The following EPG5 variants were observed in gnomAD, a reference collection of about 807,000 sequenced individuals.
The protein encoded by EPG5 is ectopic P-granules 5 autophagy tethering factor.
Under a neutral mutation model 302.7 loss-of-function variants are expected in EPG5, and 159 were observed. The observed-to-expected ratio is 0.53, with a 90% confidence interval of 0.46 to 0.60. EPG5 has a LOEUF of 0.60. Among genes scored for constraint, EPG5 ranks in the 20% least tolerant of loss-of-function variants. EPG5 has a pLI of 0.00. For missense variants in EPG5, 2,896 were observed against 3,092.4 expected (o/e 0.94, Z 1.51); for synonymous variants, 1,158 against 1,136.8 (o/e 1.02, Z -0.37).
chr18:45,961,812 C>T (rs537106846), intron 1 of EPG5, among the ~76,000 whole-genome samples: 6 of 150,392 alleles, frequency 4.0e-5, no homozygotes, highest in African/African-American at 1.5e-4. Flanking sequence ...CAGCCAAGAT[C>T]GCGCCACTGC....
intron 12 of EPG5, among the ~76,000 whole-genome samples, chr18:45,930,155 T>C (rs1292540005): frequency 6.6e-6 from 1 of 152,200 alleles, no homozygotes; most frequent in East Asian, 1.9e-4. Flanking sequence ...AGATGAAGAA[T>C]GCAAGGATCT....
the EPG5 span, among the ~76,000 whole-genome samples, chr18:45,826,503 AC>A: frequency 6.6e-6 from 1 of 152,088 alleles, no homozygotes; most frequent in African/African-American, 2.4e-5. Context: ...CTGCATTTTC[AC>A]CACCTTCTTG....
chr18:45,954,919 A>C lies in EPG5; in HGVS notation c.483T>G (p.Ser161=). 1 of 1,613,658 alleles carries C rather than the reference A, an allele frequency of 6.2e-7. No individual in the cohort carries two copies. ...LSESAPQSNF[S]YTQPAMENIQ... The stretch of plus-strand genomic sequence containing the variant: ...TATTTTCCATTGCTGGCTGAGTATA[A>C]GAAAAATTAGATTGGGGTGCACTTT... Residue 161 remains serine (S), a synonymous_variant, in exon 2 of 44, where the codon TCT becomes TCG. Coordinates refer to ENST00000282041, the MANE Select transcript of EPG5 (RefSeq NM_020964.3).
chr18:45,866,252 T>C (rs1046213505), intron 38 of EPG5, among the ~76,000 whole-genome samples: 1 of 151,938 alleles, frequency 6.6e-6, no homozygotes, highest in African/African-American at 2.4e-5. Flanking sequence ...CCCGAGTAGC[T>C]GGGAATACAG....
Position 45,943,250 on chromosome 18 carries a change from G to T in EPG5, c.1854C>A (p.Asn618Lys), listed in dbSNP as rs978507882. Residue 618 changes from asparagine (N) to lysine (K), a missense_variant, in exon 9 of 44, where the codon AAC becomes AAA. Physicochemically the swap from Asn to Lys is moderately conservative, Grantham distance 94 (BLOSUM62 0). Around this residue, in one of 5 missense-constraint regions of EPG5, gnomAD observed 1,390 missense variants for 1,430.0 expected, o/e 0.97. Transcript: ENST00000282041. ...QEMMKIFAFANSLVELLAVGL... is the reference protein window; with the variant it reads ...QEMMKIFAFAKSLVELLAVGL... ...CCACAGCCAGAAGTTCCACTAGTGAGTTGGCAAAGGCAAAAATTTTCATCA... is the reference window on the plus strand; with the variant it reads ...CCACAGCCAGAAGTTCCACTAGTGATTTGGCAAAGGCAAAAATTTTCATCA... 1.7e-5 allele frequency: 28 copies of T among 1,613,978 alleles called. No individual in the cohort carries two copies. The highest frequency in any genetic ancestry group is 2.3e-5 in the Non-Finnish European group (27 of 1,179,996).
At chr18:45,963,408 G>C (rs2051188381) in intron 1 of EPG5, among the ~76,000 whole-genome samples, 1 of 152,204 alleles carries the variant, frequency 6.6e-6, no homozygotes, top group Admixed American at 6.5e-5. Flanking sequence ...AGGCCGAGAT[G>C]GGTGGATCAT....
At chr18:45,844,811 A>G (rs2048351690), downstream of EPG5, among the ~76,000 whole-genome samples, 1 of 152,190 alleles carries the variant, frequency 6.6e-6, no homozygotes, top group Non-Finnish European at 1.5e-5. Flanking sequence ...CCTCTATGGA[A>G]AGTCCTGCAT....
intron 24 of EPG5, among the ~76,000 whole-genome samples, chr18:45,905,540 G>A (rs1347019368): frequency 6.6e-6 from 1 of 152,148 alleles, no homozygotes; most frequent in Non-Finnish European, 1.5e-5. Flanking sequence ...CCTTTAAATA[G>A]GGTCACTCTG....
At chr18:45,801,688 C>T in the EPG5 span, among the ~76,000 whole-genome samples, 1 of 152,198 alleles carries the variant, frequency 6.6e-6, no homozygotes, top group Non-Finnish European at 1.5e-5. Context: ...CCCCCTGTTC[C>T]TTCCCTTCTC....
chr18:45,963,772 G>GAAA (rs2051195688), intron 1 of EPG5, among the ~76,000 whole-genome samples: 1 of 152,332 alleles, frequency 6.6e-6, no homozygotes, highest in South Asian at 2.1e-4. Context: ...GGAAACCTTT[G>GAAA]AAAGGTTTTG....
chr18:45,954,399 C>T lies in EPG5; in HGVS notation c.1003G>A (p.Val335Ile), dbSNP rs1298011903. ...LWQFKEEQMSVQGICADQVKV... is the reference protein window; with the variant it reads ...LWQFKEEQMSIQGICADQVKV... The stretch of plus-strand genomic sequence containing the variant: ...CAGGCTTCTGATCAAAATACCTGTA[C>T]AGACATTTGTTCCTCCTTAAACTGC... Residue 335 changes from valine (V) to isoleucine (I), a missense_variant, in exon 2 of 44, where the codon GTA (valine) becomes ATA (isoleucine). Physicochemically the swap from Val to Ile is conservative, Grantham distance 29 (BLOSUM62 3). Around this residue, in one of 5 missense-constraint regions of EPG5, gnomAD observed 1,390 missense variants for 1,430.0 expected, o/e 0.97. Transcript: ENST00000282041. 3 of 1,602,270 alleles carry T rather than the reference C, an allele frequency of 1.9e-6. No homozygotes were observed. Among genetic ancestry groups the T allele is most frequent in the South Asian group, 2.3e-5 (2 of 88,806 alleles).
At chr18:45,832,023 C>T in the EPG5 span, among the ~76,000 whole-genome samples, 844 of 152,348 alleles carry the variant, frequency 5.5e-3, 10 homozygotes, top group African/African-American at 0.019. Context: ...TGAGCCGCCA[C>T]GCCCGGCCCA....
the EPG5 span, among the ~76,000 whole-genome samples, chr18:45,812,437 C>CA: frequency 6.6e-6 from 1 of 151,884 alleles, no homozygotes; most frequent in Admixed American, 6.6e-5. Flanking sequence ...CATATGGAAC[C>CA]AAAAAAAGGG....
chr18:45,800,840 C>T, the EPG5 span, among the ~76,000 whole-genome samples: 1 of 152,176 alleles, frequency 6.6e-6, no homozygotes, highest in African/African-American at 2.4e-5. Flanking sequence ...AAAGTTCAGA[C>T]TCCAGCACTC....
chr18:45,922,649 T>A, intron 15 of EPG5, 49 bp from the exon 16 acceptor site: 1 of 1,592,656 alleles, frequency 6.3e-7, no homozygotes, highest in Non-Finnish European at 8.6e-7. Context: ...ACAAATTAAA[T>A]CAGTAAGCTC....
At chr18:45,935,633 G>A (rs1267539736) in intron 10 of EPG5, among the ~76,000 whole-genome samples, 1 of 152,052 alleles carries the variant, frequency 6.6e-6, no homozygotes, top group African/African-American at 2.4e-5. Flanking sequence ...CACAGTAGTG[G>A]GTGGCAGAGA....
At chr18:45,948,258 C>A (rs2050830520) in intron 6 of EPG5, among the ~76,000 whole-genome samples, 1 of 152,216 alleles carries the variant, frequency 6.6e-6, no homozygotes, top group African/African-American at 2.4e-5. Context: ...GTCTGTAGCA[C>A]CTTTCACAAT....
At chr18:45,909,462 C>T (rs1241621347) in intron 23 of EPG5, among the ~76,000 whole-genome samples, 8 of 152,128 alleles carry the variant, frequency 5.3e-5, no homozygotes, top group African/African-American at 1.7e-4. Context: ...GGCAAATAAA[C>T]CTAAGGCCTC....
intron 11 of EPG5, among the ~76,000 whole-genome samples, chr18:45,934,080 G>C (rs1259743874): frequency 6.6e-6 from 1 of 152,098 alleles, no homozygotes; most frequent in Non-Finnish European, 1.5e-5. Flanking sequence ...CCTGAGGTCA[G>C]GAGTTCAAGA....
Sources: allele counts gnomAD v4.1 joint callset (sites outside exome capture counted in the v4.1 genomes callset), GRCh38; gene constraint gnomAD v4.1.1; regional missense constraint gnomAD v4.1.1; transcripts MANE v1.5; gene names NCBI Gene and HGNC (gene_info 2026-07-23, HGNC 2026-07-21).